SORCS2: variants seen among roughly 807,000 people sequenced by gnomAD.
The protein encoded by SORCS2 is sortilin related VPS10 domain containing receptor 2.
A neutral mutation model predicts 141.6 loss-of-function variants in SORCS2; 100 were observed. The observed-to-expected ratio is 0.71, with a 90% CI of 0.60 to 0.83. The LOEUF (loss-of-function observed/expected upper bound fraction) is 0.83. SORCS2 is among the 40% of genes least tolerant of loss of function. SORCS2 has a pLI of 0.00. For synonymous variants in SORCS2, 789 were observed against 676.9 expected (o/e 1.17, Z -2.57); for missense variants, 1,646 against 1,560.2 (o/e 1.05, Z -0.93).
At chr4:7,234,086 G>A (rs576838677) in intron 1 of SORCS2, among the ~76,000 whole-genome samples, 2 of 152,262 alleles carry the variant, frequency 1.3e-5, no homozygotes, top group African/African-American at 4.8e-5. Flanking sequence ...CTCCCCAGGT[G>A]CTGGAGTTAC....
chr4:7,350,314 ACAGTT>A (rs983886336), intron 1 of SORCS2, among the ~76,000 whole-genome samples: 84 of 152,242 alleles, frequency 5.5e-4, no homozygotes, highest in Non-Finnish European at 2.5e-4. Flanking sequence ...GAGTGGGGCT[ACAGTT>A]CAGTTCAGTC....
At chr4:7,584,496 G>A (rs60805608) in intron 3 of SORCS2, among the ~76,000 whole-genome samples, 3,813 of 152,296 alleles carry the variant, frequency 0.025, 180 homozygotes, top group African/African-American at 0.087. Flanking sequence ...CACCTCACAG[G>A]GAAGAAACCT....
chr4:7,474,805 T>G (rs778083675), intron 2 of SORCS2, among the ~76,000 whole-genome samples: 1 of 152,166 alleles, frequency 6.6e-6, no homozygotes, highest in Non-Finnish European at 1.5e-5. Context: ...ATTTATCCTC[T>G]ACAGCTCTGG....
At chr4:7,479,864 C>T (rs1022291713) in intron 2 of SORCS2, among the ~76,000 whole-genome samples, 1 of 152,238 alleles carries the variant, frequency 6.6e-6, no homozygotes, top group Non-Finnish European at 1.5e-5. Context: ...TTATTTGGTA[C>T]CCACGTGTGC....
chr4:7,634,371 CAAAA>C (rs57071486), intron 3 of SORCS2, among the ~76,000 whole-genome samples: 2 of 135,844 alleles, frequency 1.5e-5, no homozygotes. Flanking sequence ...GACTGTGTCT[CAAAA>C]AAAAAAAAAA....
chr4:7,503,180 T>C (rs934732180), intron 2 of SORCS2, among the ~76,000 whole-genome samples: 2 of 152,108 alleles, frequency 1.3e-5, no homozygotes, highest in Non-Finnish European at 2.9e-5. Context: ...GCCCCAAACA[T>C]GGAAAATTCT....
intron 2 of SORCS2, among the ~76,000 whole-genome samples, chr4:7,437,252 A>G (rs779199096): frequency 1.3e-5 from 2 of 152,180 alleles, no homozygotes; most frequent in Non-Finnish European, 2.9e-5. Flanking sequence ...ATAATTCTCT[A>G]GGGTGGCTCA....
chr4:7,723,908 C>G, intron 19 of SORCS2, 25 bp downstream of exon 19: 1 of 1,576,694 alleles, frequency 6.3e-7, no homozygotes, highest in Non-Finnish European at 8.6e-7. Flanking sequence ...CCTTTGAGGC[C>G]AAAGGTCACT....
At chr4:7,525,899 C>CCCCTCCTCAGTCACCTGTA (rs1733658536) in intron 2 of SORCS2, among the ~76,000 whole-genome samples, 1 of 119,650 alleles carries the variant, frequency 8.4e-6, no homozygotes, top group East Asian at 2.5e-4. Flanking sequence ...AGTCACCTGT[C>CCCCTCCTCAGTCACCTGTA]TCCTCCTGCA....
At chr4:7,253,766 C>T (rs1038723631) in intron 1 of SORCS2, among the ~76,000 whole-genome samples, 1 of 152,220 alleles carries the variant, frequency 6.6e-6, no homozygotes, top group African/African-American at 2.4e-5. Context: ...GCAGGAGGCC[C>T]CTGCCTTGCA....
At chr4:7,218,995 AGGCCC>A (rs1728538930) in intron 1 of SORCS2, among the ~76,000 whole-genome samples, 1 of 83,098 alleles carries the variant, frequency 1.2e-5, no homozygotes, top group African/African-American at 6.1e-5. Flanking sequence ...GGAATATGCT[AGGCCC>A]TTCCTACCTC....
intron 14 of SORCS2, among the ~76,000 whole-genome samples, chr4:7,705,786 C>G (rs922878615): frequency 6.6e-6 from 1 of 152,246 alleles, no homozygotes; most frequent in Non-Finnish European, 1.5e-5. Context: ...TTCCACTGGC[C>G]CCTGAATGCC....
chr4:7,715,274 G>A lies in SORCS2; in HGVS notation c.2215G>A (p.Asp739Asn), dbSNP rs763723598. 1.4e-5 allele frequency: 22 copies of A among 1,613,564 alleles called. No individual in the cohort carries two copies. The highest frequency in any genetic ancestry group is 2.2e-5 in the East Asian group (1 of 44,888). The change falls in exon 17 of 27, where the codon GAC (aspartate) becomes AAC (asparagine). Residue 739 changes from aspartate (D) to asparagine (N), a missense_variant. Transcript: ENST00000507866. ...FWFNPLSPPDDCALGQTYTSS... is the reference protein window; with the variant it reads ...FWFNPLSPPDNCALGQTYTSS... Reference sequence around the variant, plus strand: ...GTTTAACCCATTGTCCCCGCCTGACGACTGTGCCCTGGGCCAGACCTACAC... The same window carrying A: ...GTTTAACCCATTGTCCCCGCCTGACAACTGTGCCCTGGGCCAGACCTACAC...
intron 24 of SORCS2, among the ~76,000 whole-genome samples, chr4:7,734,048 G>A (rs1057332472): frequency 4.6e-5 from 7 of 152,026 alleles, no homozygotes; most frequent in African/African-American, 1.7e-4. Flanking sequence ...GGAACAGGTG[G>A]GGGACAGGAA....
intron 3 of SORCS2, among the ~76,000 whole-genome samples, chr4:7,557,714 A>G (rs960102094): frequency 3.5e-4 from 54 of 152,216 alleles, no homozygotes; most frequent in African/African-American, 1.3e-3. Flanking sequence ...TGCCCAGGGA[A>G]AAGTACACAG....
At chr4:7,245,720 G>A (rs1025807547) in intron 1 of SORCS2, among the ~76,000 whole-genome samples, 54 of 152,196 alleles carry the variant, frequency 3.5e-4, no homozygotes, top group African/African-American at 1.2e-3. Flanking sequence ...TGGGGCAAGC[G>A]CTTGGTGAGT....
Position 7,648,567 on chromosome 4 carries a change from C to T in SORCS2, c.814-5567C>T, listed in dbSNP as rs1721234530. The stretch of plus-strand genomic sequence containing the variant: ...AGACCAACCCCTGCCCTCGTGGGGC[C>T]TCCTTTCTAGATGAGGATGGGGGCG... On this transcript the variant is annotated intron_variant, in intron 4 of 26. Transcript: ENST00000507866. The surrounding 1 kb of genome is among the most constrained non-coding windows in gnomAD (Gnocchi z 4.2). Among the ~76,000 whole-genome samples the T allele has an allele frequency of 6.6e-6, 1 of 152,062 alleles. No homozygotes were observed. Among genetic ancestry groups the T allele is most frequent in the Non-Finnish European group, 1.5e-5 (1 of 68,016 alleles).
intron 1 of SORCS2, among the ~76,000 whole-genome samples, chr4:7,335,488 T>C (rs1284894920): frequency 6.6e-6 from 1 of 152,142 alleles, no homozygotes; most frequent in African/African-American, 2.4e-5. Flanking sequence ...GCCTTTTCTT[T>C]CTCTCTGGGC....
At chr4:7,682,650 G>T in intron 9 of SORCS2, 93 bp from the exon 10 acceptor site, 2 of 1,285,656 alleles carry the variant, frequency 1.6e-6, no homozygotes, top group South Asian at 2.9e-5. Context: ...CACATGTGCA[G>T]AGCACTTTAG....
Sources: allele counts gnomAD v4.1 joint callset (sites outside exome capture counted in the v4.1 genomes callset), GRCh38; gene constraint gnomAD v4.1.1; non-coding constraint Gnocchi (gnomAD v3.1); transcripts MANE v1.5; gene names NCBI Gene and HGNC (gene_info 2026-07-23, HGNC 2026-07-21).